The following EBF1 variants were observed in gnomAD, a reference collection of about 807,000 sequenced individuals.
The protein encoded by EBF1 is EBF transcription factor 1.
In EBF1, 10 loss-of-function variants were observed where a neutral mutation model predicts 68.4. The ratio of observed to expected loss-of-function variants is 0.15; its 90% confidence interval spans 0.09 to 0.25. The LOEUF is 0.25. EBF1 is among the 10% of genes least tolerant of loss of function. The pLI is 1.00. For synonymous variants in EBF1, 298 were observed against 299.8 expected, an observed-to-expected ratio of 0.99 and a Z score of 0.06; for missense variants, 509 against 794.4, an observed-to-expected ratio of 0.64 and a Z score of 4.32.
chr5:159,061,595 G>A (rs980135616), intron 6 of EBF1, among the ~76,000 whole-genome samples: 2 of 152,214 alleles, frequency 1.3e-5, no homozygotes, highest in Non-Finnish European at 2.9e-5. Flanking sequence ...TCCCCACTCG[G>A]CTGCTCCAGA....
rs1581119544 is a variant in EBF1 at position 158,698,889 on chromosome 5, T to G, written c.*222A>C. 3 of 432,922 alleles carry G rather than the reference T, an allele frequency of 6.9e-6. No individual in the cohort carries two copies. In the East Asian group the frequency reaches 1.0e-4, roughly 15 times the overall value. 26.8% of individuals were successfully genotyped at this position (432,922 alleles called of 1,614,324 possible). ...ATACAGAATAAATATATCCCCCAAA[T>G]ACTTGGGAGGTACAACTTTAACCAA... is the stretch of plus-strand genomic sequence containing the variant. On this transcript the variant is annotated 3_prime_UTR_variant, in exon 16 of 16. Coordinates refer to ENST00000313708, the MANE Select transcript of EBF1 (RefSeq NM_024007.5).
intron 6 of EBF1, among the ~76,000 whole-genome samples, chr5:158,949,440 G>A (rs1400536434): frequency 2.0e-5 from 3 of 151,778 alleles, no homozygotes; most frequent in Non-Finnish European, 4.4e-5. Flanking sequence ...GACCAGCCTG[G>A]GCAACACAGT....
At chr5:158,745,619 G>A (rs553516281) in intron 10 of EBF1, among the ~76,000 whole-genome samples, 25 of 152,292 alleles carry the variant, frequency 1.6e-4, no homozygotes, top group Non-Finnish European at 3.2e-4. Context: ...TGACCCAAAG[G>A]CTTTCATAAT....
intron 11 of EBF1, among the ~76,000 whole-genome samples, chr5:158,722,676 C>T (rs952178216): frequency 3.3e-5 from 5 of 152,182 alleles, no homozygotes; most frequent in African/African-American, 4.8e-5. Flanking sequence ...TCCAGACAAA[C>T]GATATCTGTA....
At chr5:158,716,656 T>G (rs530898740) in intron 11 of EBF1, among the ~76,000 whole-genome samples, 1 of 152,350 alleles carries the variant, frequency 6.6e-6, no homozygotes, top group South Asian at 2.1e-4. Flanking sequence ...AAAGGAAATT[T>G]CTGGGTCCTC....
intron 6 of EBF1, among the ~76,000 whole-genome samples, chr5:158,876,133 A>G (rs1797769758): frequency 6.6e-6 from 1 of 152,182 alleles, no homozygotes; most frequent in African/African-American, 2.4e-5. Flanking sequence ...GACTAGTTGA[A>G]ACACTACGGC....
intron 6 of EBF1, among the ~76,000 whole-genome samples, chr5:158,947,552 C>T (rs1361546123): frequency 6.6e-6 from 1 of 152,200 alleles, no homozygotes; most frequent in Admixed American, 6.5e-5. Flanking sequence ...ATGAGATGAA[C>T]TGGGAATCTC....
At chr5:158,843,426 C>T (rs560971630) in intron 6 of EBF1, among the ~76,000 whole-genome samples, 28 of 152,312 alleles carry the variant, frequency 1.8e-4, no homozygotes, top group African/African-American at 6.3e-4. Context: ...TGGGGCAGGG[C>T]GCCTGTCAGC....
chr5:158,743,621 G>A (rs1766929102), intron 10 of EBF1, among the ~76,000 whole-genome samples: 1 of 152,144 alleles, frequency 6.6e-6, no homozygotes, highest in African/African-American at 2.4e-5. Context: ...GGTCATGGAG[G>A]AAAAAGTAGA....
At chr5:159,079,010 G>C (rs934616853) in intron 5 of EBF1, among the ~76,000 whole-genome samples, 1 of 152,146 alleles carries the variant, frequency 6.6e-6, no homozygotes, top group Non-Finnish European at 1.5e-5. Context: ...TTTCAAACTT[G>C]TAAAAAACAA....
chr5:159,072,235 C>G (rs1777922078), intron 6 of EBF1, among the ~76,000 whole-genome samples: 1 of 152,002 alleles, frequency 6.6e-6, no homozygotes, highest in African/African-American at 2.4e-5. Flanking sequence ...GAAATGTAAC[C>G]TTTATAAAGC....
At chr5:159,089,739 A>G (rs76305967) in intron 4 of EBF1, among the ~76,000 whole-genome samples, 8,368 of 152,076 alleles carry the variant, frequency 0.055, 533 homozygotes, top group African/African-American at 0.16. Flanking sequence ...ATAAGCAAAC[A>G]AAAGGAAACT....
intron 6 of EBF1, among the ~76,000 whole-genome samples, chr5:158,892,816 C>T (rs1005668530): frequency 1.3e-5 from 2 of 152,124 alleles, no homozygotes; most frequent in African/African-American, 4.8e-5. Flanking sequence ...GTGGTGCACT[C>T]AATTTCTATT....
chr5:158,699,130 A>G lies in EBF1; in HGVS notation c.1757T>C (p.Met586Thr). Residue 586 changes from methionine (M) to threonine (T), a missense_variant, in exon 16 of 16, where the codon ATG (methionine) becomes ACG (threonine). Physicochemically the swap from Met to Thr is moderately conservative, Grantham distance 81. This residue lies in a region of EBF1 where 205 missense variants were observed against 247.4 expected (regional missense o/e 0.83). Coordinates refer to ENST00000313708, the MANE Select transcript of EBF1 (RefSeq NM_024007.5). ...NGNSLQAISGMIVPPM is the reference protein window; with the variant it reads ...NGNSLQAISGTIVPPM Reference sequence around the variant, plus strand: ...ATTCTTTCACATAGGAGGAACAATCATGCCAGATATCGCTATGAAAGAAAA... The same window carrying G: ...ATTCTTTCACATAGGAGGAACAATCGTGCCAGATATCGCTATGAAAGAAAA... 1.2e-6 allele frequency: 2 copies of G among 1,609,304 alleles called. No individual in the cohort carries two copies. Among genetic ancestry groups the G allele is most frequent in the Non-Finnish European group, 1.7e-6 (2 of 1,177,994 alleles).
chr5:158,963,541 C>A (rs1343280103), intron 6 of EBF1, among the ~76,000 whole-genome samples: 1 of 152,148 alleles, frequency 6.6e-6, no homozygotes, highest in African/African-American at 2.4e-5. Context: ...TGCCTACACA[C>A]AAAACATATC....
chr5:158,880,820 C>T (rs1004723870), intron 6 of EBF1, among the ~76,000 whole-genome samples: 1 of 152,166 alleles, frequency 6.6e-6, no homozygotes, highest in Non-Finnish European at 1.5e-5. Context: ...AACAAAAATG[C>T]CTTCTTTGTT....
intron 6 of EBF1, among the ~76,000 whole-genome samples, chr5:158,841,806 A>G (rs776378071): frequency 6.6e-6 from 1 of 152,218 alleles, no homozygotes; most frequent in Non-Finnish European, 1.5e-5. Context: ...TGTTGTGGGA[A>G]TCATTCTTTA....
chr5:158,774,266 G>A (rs1195481827), intron 10 of EBF1, among the ~76,000 whole-genome samples: 1 of 152,098 alleles, frequency 6.6e-6, no homozygotes, highest in African/African-American at 2.4e-5. Flanking sequence ...CCAGCTTGCA[G>A]GCAATCTGTG....
intron 7 of EBF1, among the ~76,000 whole-genome samples, chr5:158,830,280 A>G (rs1221531959): frequency 6.7e-6 from 1 of 149,358 alleles, no homozygotes; most frequent in East Asian, 1.9e-4. Context: ...CTGGCCTTTC[A>G]TTTTTTTTTT....
Sources: gnomAD v4.1 joint callset for allele counts (sites outside exome capture counted in the v4.1 genomes callset) on GRCh38, gnomAD v4.1.1 for gene constraint, gnomAD v4.1.1 regional missense constraint, MANE v1.5 for transcripts, NCBI Gene and HGNC (gene_info 2026-07-23, HGNC 2026-07-21) for gene names.